Variants in TRPM8 observed in about 807,000 individuals in gnomAD.
TRPM8 encodes TRPM8 cationic channel.
A neutral mutation model predicts 133.7 loss-of-function variants in TRPM8; 110 were observed. The observed-to-expected ratio is 0.82, with a 90% CI of 0.70 to 0.96. The LOEUF (loss-of-function observed/expected upper bound fraction) is 0.96. Ranked by LOEUF, TRPM8 falls within the 40% of genes least tolerant of loss-of-function variation. The pLI, the probability that TRPM8 is intolerant of heterozygous loss-of-function variation, is 0.00. For missense variants in TRPM8, 1,291 were observed against 1,379.5 expected, an observed-to-expected ratio of 0.94 and a Z score of 1.02; for synonymous variants, 535 against 532.3, an observed-to-expected ratio of 1.01 and a Z score of -0.07.
intron 1 of TRPM8, 41 bp from the exon 2 acceptor site, chr2:233,926,492 T>C (rs2125037505): frequency 2.7e-6 from 4 of 1,479,042 alleles, no homozygotes; most frequent in East Asian, 2.3e-5. Flanking sequence ...GCCCTGTTAC[T>C]GTTTGTAACC....
chr2:233,955,687 C>T (rs544695154), intron 11 of TRPM8, among the ~76,000 whole-genome samples: 21 of 152,226 alleles, frequency 1.4e-4, no homozygotes, highest in South Asian at 1.2e-3. Flanking sequence ...GATTAGAGAA[C>T]CGTCCGTAGT....
rs201178964 is a variant in TRPM8 at position 233,938,673 on chromosome 2, CT to C, written c.349-322del. ...GCATTCTTTTGAGTTTCTGATTAGC[CT>C]TTCCAAAGGAGGCAATCAGATGTGC... On this transcript the variant is annotated intron_variant, in intron 4 of 25. Transcript: ENST00000324695. Among the ~76,000 whole-genome samples the C allele has an allele frequency of 7.8e-3, 1,183 of 151,962 alleles. 16 individuals are homozygous for C. Among genetic ancestry groups the C allele is most frequent in the African/African-American group, 0.027 (1,127 of 41,476 alleles).
At chr2:233,919,593 G>T (rs1691369000) in intron 1 of TRPM8, among the ~76,000 whole-genome samples, 2 of 151,612 alleles carry the variant, frequency 1.3e-5, no homozygotes, top group African/African-American at 4.8e-5. Context: ...ATAACTCATG[G>T]GGAGATGGAT....
At chr2:233,939,680 A>G (rs1690856642) in intron 5 of TRPM8, among the ~76,000 whole-genome samples, 1 of 152,230 alleles carries the variant, frequency 6.6e-6, no homozygotes, top group South Asian at 2.1e-4. Flanking sequence ...AAAATTTTGA[A>G]TCTACAAAAT....
intron 3 of TRPM8, among the ~76,000 whole-genome samples, chr2:233,935,153 G>A (rs534989251): frequency 2.0e-5 from 3 of 152,326 alleles, no homozygotes; most frequent in Non-Finnish European, 2.9e-5. Flanking sequence ...TTCATTCAAA[G>A]GACATTTGCT....
chr2:234,005,927 TACACACACACACAC>T (rs35379195), intron 22 of TRPM8, among the ~76,000 whole-genome samples: 6 of 136,008 alleles, frequency 4.4e-5, no homozygotes, highest in East Asian at 2.2e-4. Flanking sequence ...AAACGTCATC[TACACACACACACAC>T]ACACACACAC....
chr2:233,977,722 G>A (rs1451895048), intron 17 of TRPM8, among the ~76,000 whole-genome samples: 1 of 152,096 alleles, frequency 6.6e-6, no homozygotes, highest in Admixed American at 6.5e-5. Flanking sequence ...GAGTGAATAG[G>A]GTGACAAGAA....
At chr2:233,937,547 G>A (rs200065488) in intron 4 of TRPM8, 38 bp downstream of exon 4, 13 of 1,590,480 alleles carry the variant, frequency 8.2e-6, no homozygotes, top group Non-Finnish European at 1.1e-5. Flanking sequence ...CTAATTCATA[G>A]GCCAAAGTGA....
chr2:233,966,543 G>A (rs1691580553), intron 14 of TRPM8, 67 bp from the exon 15 acceptor site: 1 of 1,597,186 alleles, frequency 6.3e-7, no homozygotes, highest in Non-Finnish European at 8.5e-7. Context: ...GCTGGGGGTG[G>A]AAGCAGGACA....
At chr2:233,953,882 C>A in intron 9 of TRPM8, 35 bp from the exon 10 acceptor site, 1 of 1,556,840 alleles carries the variant, frequency 6.4e-7, no homozygotes, top group South Asian at 1.1e-5. Context: ...TGCCTAAAAT[C>A]TGTTGGCTGA....
chr2:233,930,542 T>C, intron 2 of TRPM8, 126 bp from the exon 3 acceptor site: 2 of 625,766 alleles, frequency 3.2e-6, no homozygotes, highest in Non-Finnish European at 5.3e-6. Flanking sequence ...AAATGCTGGA[T>C]GCTATGAATA....
Position 233,927,913 on chromosome 2 carries a change from TCTCTCTC to T in TRPM8, c.117+1260_117+1266del, listed in dbSNP as rs1559516660. The stretch of plus-strand genomic sequence containing the variant: ...TTCTTTCTTTCTTTCTTTCTTTCTC[TCTCTCTC>T]TCTTTCTCTCTCTCTCTCTCTCTCT... On this transcript the variant is annotated intron_variant, in intron 2 of 25. Coordinates refer to ENST00000324695, the MANE Select transcript of TRPM8 (RefSeq NM_024080.5). Among the ~76,000 whole-genome samples, 345 of 54,476 alleles carry T rather than the reference TCTCTCTC, an allele frequency of 6.3e-3. 44 individuals carry two copies. Among genetic ancestry groups the T allele is most frequent in the African/African-American group, 0.058 (320 of 5,550 alleles). The allele number at this position is 54,476 out of a possible 152,430, so 35.7% of individuals were successfully genotyped here.
chr2:233,961,119 C>T, intron 12 of TRPM8, 53 bp downstream of exon 12: 1 of 1,548,132 alleles, frequency 6.5e-7, no homozygotes, highest in Non-Finnish European at 8.8e-7. Flanking sequence ...TGAGGCTTCC[C>T]TCATAAGATA....
chr2:234,005,967 C>CACACACACACAG (rs1045698162), intron 22 of TRPM8, among the ~76,000 whole-genome samples: 2 of 150,896 alleles, frequency 1.3e-5, no homozygotes, highest in African/African-American at 2.4e-5. Context: ...CACACACACA[C>CACACACACACAG]AGAATTTGCT....
intron 21 of TRPM8, among the ~76,000 whole-genome samples, chr2:233,988,572 G>A (rs1692204268): frequency 1.3e-5 from 2 of 152,150 alleles, no homozygotes. Context: ...ATACTGAGAA[G>A]CACCAATGGT....
intron 1 of TRPM8, among the ~76,000 whole-genome samples, chr2:233,919,280 T>G (rs1017162698): frequency 1.3e-5 from 2 of 152,330 alleles, no homozygotes; most frequent in Middle Eastern, 3.4e-3. Flanking sequence ...AAATTATTCA[T>G]GACCATTGAT....
chr2:233,996,628 C>A, intron 22 of TRPM8, 112 bp downstream of exon 22: 1 of 977,138 alleles, frequency 1.0e-6, no homozygotes, highest in Non-Finnish European at 1.6e-6. Context: ...TTTCACTGTT[C>A]ACATCTGTAC....
rs79066374 is a variant in TRPM8, at chr2:233,940,906, G to A, written c.527-1670G>A. 6.4e-3 allele frequency among the ~76,000 whole-genome samples: 978 copies of A among 152,288 alleles called. 11 individuals are homozygous for A. Among genetic ancestry groups the A allele is most frequent in the African/African-American group, 0.022 (935 of 41,560 alleles). On this transcript the variant is annotated intron_variant, in intron 5 of 25. Coordinates refer to ENST00000324695, the MANE Select transcript of TRPM8 (RefSeq NM_024080.5). Reference sequence around the variant, plus strand: ...GGGAAAGGTGATAGGAAGTGGAGAAGGAATGAGGTAATTGGTGGTTTTTGC... The same window carrying A: ...GGGAAAGGTGATAGGAAGTGGAGAAAGAATGAGGTAATTGGTGGTTTTTGC...
Position 233,950,127 on chromosome 2 carries a change from C to T in TRPM8, c.1121C>T (p.Thr374Ile), listed in dbSNP as rs140502895. The T allele has an allele frequency of 2.7e-4, 428 of 1,612,800 alleles. No individual in the cohort carries two copies. Among genetic ancestry groups the T allele is most frequent in the Non-Finnish European group, 3.4e-4 (397 of 1,179,972 alleles). The change falls in exon 9 of 26, where the codon ACT becomes ATT. Residue 374 changes from threonine (T) to isoleucine (I), a missense_variant. Transcript: ENST00000324695. Reference sequence around the variant, plus strand: ...GTGTCCCGGCTGCCTGAGGAGGAGACTGAGAGTTGGATCAAATGGGTAAGT... The same window carrying T: ...GTGTCCCGGCTGCCTGAGGAGGAGATTGAGAGTTGGATCAAATGGGTAAGT... ...RTVSRLPEEE[T>I]ESWIKWLKEI...
Sources: allele counts gnomAD v4.1 joint callset (sites outside exome capture counted in the v4.1 genomes callset), GRCh38; gene constraint gnomAD v4.1.1; transcripts MANE v1.5; gene names NCBI Gene and HGNC (gene_info 2026-07-23, HGNC 2026-07-21).